The following ILDR1 variants were observed in gnomAD, a reference collection of about 807,000 sequenced individuals.
ILDR1 encodes immunoglobulin-like domain-containing receptor 1.
A neutral mutation model predicts 62.4 loss-of-function variants in ILDR1; 56 were observed. The observed-to-expected ratio is 0.90, with a 90% CI of 0.72 to 1.12. The LOEUF is 1.12. Ranked by LOEUF, ILDR1 falls within the 50% of genes most tolerant of loss-of-function variation. The pLI is 0.00. For missense variants in ILDR1, 736 were observed against 710.6 expected, an observed-to-expected ratio of 1.04 and a Z score of -0.41; for synonymous variants, 284 against 277.8, an observed-to-expected ratio of 1.02 and a Z score of -0.22.
chr3:122,053,345 A>G, the ILDR1 span, among the ~76,000 whole-genome samples: 1 of 152,180 alleles, frequency 6.6e-6, no homozygotes, highest in Non-Finnish European at 1.5e-5. Context: ...TTTTAATCAT[A>G]TATTCTGGAT....
At position 121,993,573 on chromosome 3, in the gene ILDR1, T is replaced by C; in HGVS notation, c.1176A>G (p.Arg392=). ...DRGPKSWALE[R]RELDPSWSGR... is the part of the protein sequence containing the mutation. The stretch of plus-strand genomic sequence containing the variant: ...CACTCCACGATGGGTCCAACTCCCT[T>C]CTTTCCAATGCCCAAGACTTTGGCC... Residue 392 remains arginine, a synonymous_variant, in exon 7 of 8, where the codon AGA becomes AGG. Coordinates refer to ENST00000344209, the MANE Select transcript of ILDR1 (RefSeq NM_001199799.2). 1.2e-6 allele frequency: 2 copies of C among 1,614,222 alleles called. No individual in the cohort carries two copies. Among genetic ancestry groups the C allele is most frequent in the Admixed American group, 3.3e-5 (2 of 60,034 alleles).
At chr3:122,024,958 G>C (rs1245853236), upstream of ILDR1, among the ~76,000 whole-genome samples, 1 of 152,168 alleles carries the variant, frequency 6.6e-6, no homozygotes. Context: ...AGGGAAAACT[G>C]AATCCCACAG....
At chr3:122,041,126 G>A in the ILDR1 span, among the ~76,000 whole-genome samples, 1 of 152,192 alleles carries the variant, frequency 6.6e-6, no homozygotes. Flanking sequence ...CCTTACCAAA[G>A]AAGATATGCA....
At position 122,022,129 on chromosome 3, in the gene ILDR1, T is replaced by G. The variant is rs1217666824; in HGVS notation, c.-52A>C. On this transcript the variant is annotated 5_prime_UTR_variant, in exon 1 of 8. Coordinates refer to ENST00000344209, the MANE Select transcript of ILDR1 (RefSeq NM_001199799.2). ...CTCAGGGGCTTCGGGGCACTGCGTC[T>G]TTCTTCCTCAGCTGCCGCCCCAGGA... 1.3e-6 allele frequency: 2 copies of G among 1,499,266 alleles called. No individual in the cohort carries two copies. Among genetic ancestry groups the G allele is most frequent in the East Asian group, 2.4e-5 (1 of 41,632 alleles). The allele number at this position is 1,499,266 out of a possible 1,614,324, so 92.9% of individuals were successfully genotyped here. A position where few individuals can be genotyped will look rare whatever the true frequency, so the allele number is the denominator to read the frequency against.
chr3:121,995,377 C>A (rs1461856439), intron 5 of ILDR1, among the ~76,000 whole-genome samples: 1 of 152,164 alleles, frequency 6.6e-6, no homozygotes, highest in Non-Finnish European at 1.5e-5. Flanking sequence ...AGCAGGGCCA[C>A]GTACAGTAGA....
intron 5 of ILDR1, among the ~76,000 whole-genome samples, chr3:121,998,479 AG>A (rs1223196536): frequency 6.6e-6 from 1 of 152,314 alleles, no homozygotes; most frequent in East Asian, 1.9e-4. Flanking sequence ...GCCCAAGTTC[AG>A]GGATCTTTGT....
the ILDR1 span, chr3:122,055,370 C>A: frequency 1.0e-6 from 1 of 955,582 alleles, no homozygotes. Context: ...ACAGTCATTG[C>A]CGAGGAAGGC....
At chr3:122,044,373 A>G in the ILDR1 span, among the ~76,000 whole-genome samples, 7 of 131,140 alleles carry the variant, frequency 5.3e-5, no homozygotes, top group African/African-American at 2.2e-4. Flanking sequence ...TTGGTCTAAA[A>G]TTCTCTTTTT....
the ILDR1 span, among the ~76,000 whole-genome samples, chr3:122,056,187 A>G: frequency 1.3e-5 from 2 of 152,098 alleles, no homozygotes; most frequent in African/African-American, 4.8e-5. Flanking sequence ...AGTTCACACT[A>G]TTCATAAGGG....
chr3:122,003,106 G>T (rs2071552642), intron 3 of ILDR1, among the ~76,000 whole-genome samples: 1 of 152,280 alleles, frequency 6.6e-6, no homozygotes, highest in East Asian at 1.9e-4. Flanking sequence ...CCAGTCAAAG[G>T]CATCAGGGCA....
At chr3:122,041,508 G>C in the ILDR1 span, among the ~76,000 whole-genome samples, 2 of 152,132 alleles carry the variant, frequency 1.3e-5, no homozygotes, top group Non-Finnish European at 2.9e-5. Context: ...CACAGTTTCA[G>C]GTAGTCTGTT....
At chr3:122,005,206 C>A in intron 3 of ILDR1, 38 bp downstream of exon 3, 1 of 1,282,508 alleles carries the variant, frequency 7.8e-7, no homozygotes, top group Non-Finnish European at 1.1e-6. Flanking sequence ...TGCACCTCCC[C>A]CCACCCCCAG....
the ILDR1 span, among the ~76,000 whole-genome samples, chr3:122,032,061 C>T: frequency 6.6e-6 from 1 of 152,244 alleles, no homozygotes; most frequent in South Asian, 2.1e-4. Context: ...CCTTTGCAAC[C>T]ACCACTCAGG....
intron 5 of ILDR1, among the ~76,000 whole-genome samples, chr3:121,999,482 T>G (rs2071485224): frequency 6.6e-6 from 1 of 152,214 alleles, no homozygotes; most frequent in African/African-American, 2.4e-5. Flanking sequence ...AGCCAACATT[T>G]TTTAGGGCAT....
At chr3:122,022,495 C>T (rs1442507134), upstream of ILDR1, among the ~76,000 whole-genome samples, 1 of 152,216 alleles carries the variant, frequency 6.6e-6, no homozygotes, top group African/African-American at 2.4e-5. Flanking sequence ...GTGGATATAA[C>T]TTTCTAGGGT....
Position 121,993,402 on chromosome 3 carries a change from C to T in ILDR1, c.1347G>A (p.Arg449=). 1 of 1,613,444 alleles carries T rather than the reference C, an allele frequency of 6.2e-7. No individual in the cohort carries two copies. Among genetic ancestry groups the T allele is most frequent in the Non-Finnish European group, 8.5e-7 (1 of 1,179,554 alleles). ...FRSRCQERPR[R]PSPRESTQRH... is the part of the protein sequence containing the mutation. ...TCTGAGTGCTCTCCCGGGGGCTGGG[C>T]CTGCGGGGCCTCTCCTGACAGCGGC... The change falls in exon 7 of 8, where the codon AGG becomes AGA. Residue 449 remains arginine, a synonymous_variant. Transcript: ENST00000344209.
chr3:122,013,228 A>T (rs1425423259), intron 1 of ILDR1, among the ~76,000 whole-genome samples: 3 of 152,214 alleles, frequency 2.0e-5, no homozygotes, highest in Non-Finnish European at 4.4e-5. Context: ...AGATTTGGCA[A>T]GAAGGAGTTT....
chr3:122,023,663 A>G (rs2071896144), upstream of ILDR1, among the ~76,000 whole-genome samples: 1 of 152,056 alleles, frequency 6.6e-6, no homozygotes, highest in Non-Finnish European at 1.5e-5. Flanking sequence ...TCCCTCCTGG[A>G]TCTGACTTCT....
chr3:122,039,666 G>A, the ILDR1 span, among the ~76,000 whole-genome samples: 4 of 152,004 alleles, frequency 2.6e-5, no homozygotes, highest in Non-Finnish European at 5.9e-5. Flanking sequence ...GAAGAAATAT[G>A]ATGTATAATA....
Sources: allele counts gnomAD v4.1 joint callset (sites outside exome capture counted in the v4.1 genomes callset), GRCh38; gene constraint gnomAD v4.1.1; transcripts MANE v1.5; gene names NCBI Gene and HGNC (gene_info 2026-07-23, HGNC 2026-07-21).